Variants in TREH observed in about 807,000 individuals in gnomAD.
TREH encodes trehalase, also known as alpha,alpha-trehalose glucohydrolase.
A neutral mutation model predicts 80.5 loss-of-function variants in TREH; 69 were observed. That is an observed-to-expected ratio of 0.86 (90% CI 0.71 to 1.05). The LOEUF is 1.05. TREH is among the 50% of genes least tolerant of loss of function. TREH has a pLI of 0.00. For synonymous variants in TREH, 309 were observed against 293.5 expected (o/e 1.05, Z -0.54); for missense variants, 716 against 718.8 (o/e 1.00, Z 0.04).
At position 118,657,809 on chromosome 11, in the gene TREH, T is replaced by TATCATTAAAAAA; in HGVS notation, c.*479_*480insTTTTTTAATGAT. The TATCATTAAAAAA allele has an allele frequency of 3.1e-5, 5 of 162,278 alleles. No individual in the cohort carries two copies. The highest frequency in any genetic ancestry group is 1.8e-4 in the South Asian group (1 of 5,640). The allele number at this position is 162,278 out of a possible 1,614,324, so 10.1% of individuals were successfully genotyped here. A position where few individuals can be genotyped will look rare whatever the true frequency, so the allele number is the denominator to read the frequency against. On this transcript the variant is annotated 3_prime_UTR_variant, in exon 15 of 15. Transcript: ENST00000264029. ...GATGCAGCAGAGGGGAAGGGCCCTGTGGTGCCGCCGCCCTTCCTTCAGCCT... is the reference window on the plus strand; with the variant it reads ...GATGCAGCAGAGGGGAAGGGCCCTGTATCATTAAAAAAGGTGCCGCCGCCCTTCCTTCAGCCT...
At position 118,660,885 on chromosome 11, in the gene TREH, C is replaced by T. The variant is rs1364217920; in HGVS notation, c.888G>A (p.Leu296=). Residue 296 remains leucine, a synonymous_variant, in exon 9 of 15, where the codon TTG becomes TTA. Coordinates refer to ENST00000264029, the MANE Select transcript of TREH (RefSeq NM_007180.3). ...GCTCACCTTCTGGCAAGGTGTCAGC[C>T]AACTCCACATCTTTGCTGTAGGACT... is the stretch of plus-strand genomic sequence containing the variant. ...RPESYSKDVE[L]ADTLPEGDRE... is the part of the protein sequence containing the mutation. 3 of 1,571,640 alleles carry T rather than the reference C, an allele frequency of 1.9e-6. No individual in the cohort carries two copies. In the African/African-American group the frequency reaches 4.1e-5, roughly 21 times the overall value.
Position 118,674,948 on chromosome 11 carries a change from C to G in TREH, c.89+4591G>C, listed in dbSNP as rs568572777. 5.9e-5 allele frequency among the ~76,000 whole-genome samples: 9 copies of G among 152,322 alleles called. No homozygotes were observed. The highest frequency in any genetic ancestry group is 3.9e-4 in the Admixed American group (6 of 15,304). ...AGGTTGTAATTCCACTGACCAGAAT[C>G]TAAGCATGGCCCATCTTTTACTTTC... On this transcript the variant is annotated intron_variant, in intron 1 of 14. Transcript: ENST00000264029. This position sits in a 1 kb window ranked among gnomAD's most constrained non-coding sequence, Gnocchi z 4.4.
At position 118,660,721 on chromosome 11, in the gene TREH, G is replaced by T; in HGVS notation, c.920C>A (p.Ala307Asp). 6.3e-7 allele frequency: 1 copy of T among 1,584,746 alleles called. No individual in the cohort carries two copies. Among genetic ancestry groups the T allele is most frequent in the South Asian group, 1.1e-5 (1 of 87,062 alleles). Residue 307 changes from alanine (A) to aspartate (D), a missense_variant, in exon 10 of 15, where the codon GCT becomes GAT. Transcript: ENST00000264029. ...CCCAGCCTTGAGCTCAGCCCACAGA[G>T]CCTCCCGGTCTCCTGTGAGGACAGA... ...ADTLPEGDREALWAELKAGAE... is the reference protein window; with the variant it reads ...ADTLPEGDREDLWAELKAGAE...
Position 118,659,691 on chromosome 11 carries a change from G to A in TREH, c.1320+56C>T. 1.3e-5 allele frequency: 20 copies of A among 1,540,560 alleles called. No homozygotes were observed. In the South Asian group the frequency reaches 2.3e-4, roughly 17 times the overall value. On this transcript the variant is annotated intron_variant, in intron 11 of 14. Transcript: ENST00000264029. ...CCCTCCCCTGCAGGTCCTGTTCAGG[G>A]TCGGGAGGGGGCGGTGCTGCCTGCA...
chr11:118,658,679 C>G lies in TREH; in HGVS notation c.1599+1G>C. The G allele has an allele frequency of 6.3e-7, 1 of 1,591,692 alleles. No homozygotes were observed. The highest frequency in any genetic ancestry group is 8.6e-7 in the Non-Finnish European group (1 of 1,168,940). On this transcript the variant is annotated splice_donor_variant, in intron 14 of 14. Coordinates refer to ENST00000264029, the MANE Select transcript of TREH (RefSeq NM_007180.3). LOFTEE classifies it high-confidence loss of function. Reference sequence around the variant, plus strand: ...GGCCAGCCCACCCCTGGCCTGCTCACCTGAACTTCATATTCTCCTCCCCCA... The same window carrying G: ...GGCCAGCCCACCCCTGGCCTGCTCAGCTGAACTTCATATTCTCCTCCCCCA...
At chr11:118,662,456 A>T (rs1459175841) in intron 4 of TREH, among the ~76,000 whole-genome samples, 2 of 152,186 alleles carry the variant, frequency 1.3e-5, no homozygotes, top group African/African-American at 4.8e-5. Context: ...GGGGATGTGG[A>T]TGAGCAAAGT....
At chr11:118,665,393 A>G (rs1356481332) in intron 1 of TREH, among the ~76,000 whole-genome samples, 1 of 152,148 alleles carries the variant, frequency 6.6e-6, no homozygotes, top group Non-Finnish European at 1.5e-5. Flanking sequence ...TGATCCCAGC[A>G]CTTTGGGAGG....
At chr11:118,670,652 TACTAG>T (rs1178546502) in intron 1 of TREH, among the ~76,000 whole-genome samples, 1 of 152,170 alleles carries the variant, frequency 6.6e-6, no homozygotes, top group African/African-American at 2.4e-5. Context: ...GTTCACACAT[TACTAG>T]AGTCCCATTG....
intron 1 of TREH, among the ~76,000 whole-genome samples, chr11:118,668,148 A>G (rs1205076874): frequency 1.3e-5 from 2 of 152,156 alleles, no homozygotes; most frequent in Non-Finnish European, 2.9e-5. Context: ...TACAGGCGTG[A>G]GCCACCGCAC....
chr11:118,659,273 G>C, intron 12 of TREH, 97 bp downstream of exon 12: 1 of 1,041,366 alleles, frequency 9.6e-7, no homozygotes, highest in Non-Finnish European at 1.4e-6. Flanking sequence ...AGGATACGGG[G>C]CCTCTTGTGT....
chr11:118,670,656 A>G (rs1949422475), intron 1 of TREH, among the ~76,000 whole-genome samples: 1 of 152,192 alleles, frequency 6.6e-6, no homozygotes, highest in African/African-American at 2.4e-5. Flanking sequence ...ACACATTACT[A>G]GAGTCCCATT....
intron 10 of TREH, 103 bp downstream of exon 10, chr11:118,660,436 G>A (rs1169898725): frequency 4.0e-6 from 5 of 1,253,958 alleles, no homozygotes; most frequent in South Asian, 3.0e-5. Flanking sequence ...GACAGGCTAA[G>A]TTGCTGAAGG....
At chr11:118,659,163 G>A in intron 12 of TREH, 146 bp from the exon 13 acceptor site, 7 of 965,046 alleles carry the variant, frequency 7.3e-6, no homozygotes, top group South Asian at 1.6e-5. Context: ...GCCCTTAATC[G>A]ACGGCCCTGG....
intron 1 of TREH, among the ~76,000 whole-genome samples, chr11:118,673,155 A>G (rs550701825): frequency 6.6e-6 from 1 of 152,304 alleles, no homozygotes; most frequent in East Asian, 1.9e-4. Context: ...TGCCCATCCC[A>G]GTTCTCTATT....
chr11:118,679,528 C>T lies in TREH; in HGVS notation c.89+11G>A, dbSNP rs781945535. The T allele has an allele frequency of 2.7e-6, 4 of 1,480,822 alleles. No individual in the cohort carries two copies. Among genetic ancestry groups the T allele is most frequent in the African/African-American group, 1.4e-5 (1 of 70,782 alleles). The allele number at this position is 1,480,822 out of a possible 1,614,324, so 91.7% of individuals were successfully genotyped here. ...TGCCATCCTCCCCTGCTGCCTTCCC[C>T]ACACCCCTACCTCTCACAGGGTGGG... On this transcript the variant is annotated intron_variant, in intron 1 of 14. Transcript: ENST00000264029.
chr11:118,667,460 C>T (rs1949388866), intron 1 of TREH, among the ~76,000 whole-genome samples: 1 of 152,120 alleles, frequency 6.6e-6, no homozygotes, highest in African/African-American at 2.4e-5. Flanking sequence ...CTTGGCCTCC[C>T]AAAGTGTTGA....
chr11:118,662,409 A>G (rs1226004241), intron 4 of TREH, among the ~76,000 whole-genome samples: 1 of 152,246 alleles, frequency 6.6e-6, no homozygotes, highest in East Asian at 1.9e-4. Flanking sequence ...TCTCTGAGCC[A>G]GGTGGGGATA....
At position 118,667,043 on chromosome 11, in the gene TREH, C is replaced by G. The variant is rs560012321; in HGVS notation, c.90-3604G>C. On this transcript the variant is annotated intron_variant, in intron 1 of 14. Coordinates refer to ENST00000264029, the MANE Select transcript of TREH (RefSeq NM_007180.3). ...GATTACGGGCATGTGCCACCACGCC[C>G]GGCTAATTTTGTATTTTTAATAGAG... Among the ~76,000 whole-genome samples, 24 of 152,062 alleles carry G rather than the reference C, an allele frequency of 1.6e-4. No individual in the cohort carries two copies. In the South Asian group the frequency reaches 4.4e-3, roughly 28 times the overall value.
At chr11:118,668,615 A>T (rs1294482648) in intron 1 of TREH, among the ~76,000 whole-genome samples, 2 of 140,168 alleles carry the variant, frequency 1.4e-5, no homozygotes, top group African/African-American at 5.2e-5. Context: ...TTATTTATGG[A>T]TTGGAAGAAT....
Sources: gnomAD v4.1 joint callset for allele counts (sites outside exome capture counted in the v4.1 genomes callset) on GRCh38, gnomAD v4.1.1 for gene constraint, Gnocchi (gnomAD v3.1) non-coding constraint, MANE v1.5 for transcripts, NCBI Gene and HGNC (gene_info 2026-07-23, HGNC 2026-07-21) for gene names.